The following AK5 variants were observed in gnomAD, a reference collection of about 807,000 sequenced individuals.
The protein encoded by AK5 is adenylate kinase isoenzyme 5.
A neutral mutation model predicts 69.5 loss-of-function variants in AK5; 27 were observed. That is an observed-to-expected ratio of 0.39 (90% confidence interval 0.29 to 0.54). The LOEUF is 0.54. Among genes scored for constraint, AK5 ranks in the 20% least tolerant of loss-of-function variants. The pLI, the probability that AK5 is intolerant of heterozygous loss-of-function variation, is 0.71. For missense variants in AK5, 531 were observed against 700.4 expected (o/e 0.76, Z 2.73); for synonymous variants, 260 against 244.4 (o/e 1.06, Z -0.60).
At chr1:77,530,759 T>C (rs1177924159) in intron 12 of AK5, among the ~76,000 whole-genome samples, 1 of 152,044 alleles carries the variant, frequency 6.6e-6, no homozygotes, top group Non-Finnish European at 1.5e-5. Flanking sequence ...AATAAGATAG[T>C]TGTTATTCTC....
At chr1:77,410,545 G>C (rs2100568802) in intron 6 of AK5, among the ~76,000 whole-genome samples, 1 of 152,100 alleles carries the variant, frequency 6.6e-6, no homozygotes, top group East Asian at 1.9e-4. Context: ...CTCCCAAAGT[G>C]CTAGGATTAC....
chr1:77,355,777 T>C (rs898670341), intron 6 of AK5, among the ~76,000 whole-genome samples: 1 of 152,094 alleles, frequency 6.6e-6, no homozygotes, highest in African/African-American at 2.4e-5. Context: ...TTCCAGCAGC[T>C]GGCTTGGAGC....
At chr1:77,436,488 G>C (rs567046900) in intron 8 of AK5, among the ~76,000 whole-genome samples, 19 of 151,754 alleles carry the variant, frequency 1.3e-4, no homozygotes, top group African/African-American at 4.6e-4. Flanking sequence ...ATTTTAATGT[G>C]TATTAATGAA....
intron 13 of AK5, among the ~76,000 whole-genome samples, chr1:77,556,195 G>C (rs917371172): frequency 3.9e-5 from 6 of 152,298 alleles, no homozygotes; most frequent in African/African-American, 1.2e-4. Flanking sequence ...TGCAGGAAAA[G>C]AAATAGAAGA....
chr1:77,559,423 T>C lies in AK5; in HGVS notation c.*753T>C, dbSNP rs1557675410. On this transcript the variant is annotated 3_prime_UTR_variant, in exon 14 of 14. Coordinates refer to ENST00000354567, the MANE Select transcript of AK5 (RefSeq NM_174858.3). Reference sequence around the variant, plus strand: ...ACCTAGTCTCTTCTCTACATGGTGATGCATTTCAGCAATTATAAATTAATA... The same window carrying C: ...ACCTAGTCTCTTCTCTACATGGTGACGCATTTCAGCAATTATAAATTAATA... 6.6e-6 allele frequency: 1 copy of C among 152,208 alleles called. No homozygotes were observed. Among genetic ancestry groups the C allele is most frequent in the Non-Finnish European group, 1.5e-5 (1 of 68,044 alleles). The allele number at this position is 152,208 out of a possible 1,614,324, so 9.4% of individuals were successfully genotyped here. A position where few individuals can be genotyped will look rare whatever the true frequency, so the allele number is the denominator to read the frequency against.
chr1:77,294,005 GTT>G (rs757160918), intron 3 of AK5, 45 bp downstream of exon 3: 6 of 1,556,682 alleles, frequency 3.9e-6, no homozygotes, highest in Non-Finnish European at 5.2e-6. Flanking sequence ...TGCTGCCTTT[GTT>G]TATATATTTA....
chr1:77,297,488 A>C (rs1659078814), intron 3 of AK5, 71 bp from the exon 4 acceptor site: 1 of 1,389,874 alleles, frequency 7.2e-7, no homozygotes, highest in African/African-American at 1.4e-5. Context: ...TCCCAGATGA[A>C]GTAGTAGTTG....
chr1:77,521,820 G>T lies in AK5; in HGVS notation c.1312-7G>T. On this transcript the variant is annotated splice_polypyrimidine_tract_variant and splice_region_variant and intron_variant, in intron 11 of 13. Coordinates refer to ENST00000354567, the MANE Select transcript of AK5 (RefSeq NM_174858.3). ...CTCAGGTCCTGACCACTCTCGCTTTGCTCCAGGGCATCGTTTTGGAGCTCC... is the reference window on the plus strand; with the variant it reads ...CTCAGGTCCTGACCACTCTCGCTTTTCTCCAGGGCATCGTTTTGGAGCTCC... 4.3e-6 allele frequency: 7 copies of T among 1,611,080 alleles called. No homozygotes were observed. The highest frequency in any genetic ancestry group is 5.1e-6 in the Non-Finnish European group (6 of 1,177,486).
At chr1:77,526,465 C>CTTTTT (rs917395853) in intron 12 of AK5, among the ~76,000 whole-genome samples, 5 of 84,658 alleles carry the variant, frequency 5.9e-5, no homozygotes, top group African/African-American at 9.4e-5. Context: ...GAATAAAAGT[C>CTTTTT]TTTTTTTTTT....
At chr1:77,549,164 C>T (rs959015222) in intron 13 of AK5, among the ~76,000 whole-genome samples, 1 of 152,038 alleles carries the variant, frequency 6.6e-6, no homozygotes, top group African/African-American at 2.4e-5. Context: ...GCATGAGCCA[C>T]CGTGCCTGGC....
At chr1:77,515,620 A>C (rs1321524550) in intron 10 of AK5, among the ~76,000 whole-genome samples, 1 of 152,218 alleles carries the variant, frequency 6.6e-6, no homozygotes, top group Non-Finnish European at 1.5e-5. Context: ...CCCAAGAGTA[A>C]GACAGGCAGG....
At chr1:77,500,169 A>G (rs977044193) in intron 10 of AK5, among the ~76,000 whole-genome samples, 2 of 152,068 alleles carry the variant, frequency 1.3e-5, no homozygotes, top group African/African-American at 4.8e-5. Flanking sequence ...AGAACTAACC[A>G]TAACTAAGAA....
intron 13 of AK5, among the ~76,000 whole-genome samples, chr1:77,536,667 C>T (rs1658987363): frequency 6.6e-6 from 1 of 152,130 alleles, no homozygotes; most frequent in South Asian, 2.1e-4. Flanking sequence ...GGGAGGGAGG[C>T]ATAGATGAGA....
At chr1:77,352,978 C>CTAAT (rs1662291338) in intron 6 of AK5, among the ~76,000 whole-genome samples, 2 of 152,200 alleles carry the variant, frequency 1.3e-5, no homozygotes, top group South Asian at 4.2e-4. Flanking sequence ...CTTATGAGAC[C>CTAAT]TAATTGGCTT....
At chr1:77,327,846 C>T (rs1200963562) in intron 5 of AK5, among the ~76,000 whole-genome samples, 3 of 152,194 alleles carry the variant, frequency 2.0e-5, no homozygotes, top group Non-Finnish European at 4.4e-5. Flanking sequence ...AGTTCAGGCT[C>T]ATTAGCTCTT....
chr1:77,313,940 A>G (rs770255239), intron 5 of AK5: 25 of 501,696 alleles, frequency 5.0e-5, no homozygotes, highest in African/African-American at 9.8e-5. Context: ...TGCCTGCCAC[A>G]TATCTTCCTT....
intron 6 of AK5, among the ~76,000 whole-genome samples, chr1:77,381,398 A>G (rs1025931621): frequency 2.0e-5 from 3 of 152,304 alleles, no homozygotes; most frequent in African/African-American, 7.2e-5. Flanking sequence ...GTTATACCCA[A>G]TGGGCTAAGA....
intron 10 of AK5, among the ~76,000 whole-genome samples, chr1:77,516,998 G>C (rs910809694): frequency 6.6e-6 from 1 of 151,838 alleles, no homozygotes; most frequent in Non-Finnish European, 1.5e-5. Flanking sequence ...TTGAACCTGG[G>C]GGGTGGAGGT....
At chr1:77,305,736 T>C (rs1353145253) in intron 5 of AK5, among the ~76,000 whole-genome samples, 1 of 152,210 alleles carries the variant, frequency 6.6e-6, no homozygotes, top group Non-Finnish European at 1.5e-5. Flanking sequence ...GCTGTTTTGG[T>C]TACTACAGCT....
Sources: allele counts gnomAD v4.1 joint callset (sites outside exome capture counted in the v4.1 genomes callset), GRCh38; gene constraint gnomAD v4.1.1; transcripts MANE v1.5; gene names NCBI Gene and HGNC (gene_info 2026-07-23, HGNC 2026-07-21).